The following TCF7L1 variants were observed in gnomAD, a reference collection of about 807,000 sequenced individuals.
TCF7L1 encodes transcription factor 7 like 1.
Under a neutral mutation model 63.7 loss-of-function variants are expected in TCF7L1, and 18 were observed. The observed-to-expected ratio is 0.28, with a 90% CI of 0.20 to 0.42. The LOEUF is 0.42. TCF7L1 is among the 10% of genes least tolerant of loss of function. The pLI is 1.00. For synonymous variants in TCF7L1, 355 were observed against 340.9 expected (o/e 1.04, Z -0.46); for missense variants, 654 against 779.3 (o/e 0.84, Z 1.91).
Position 85,302,538 on chromosome 2 carries a change from C to G in TCF7L1, c.580C>G (p.Leu194Val). 1 of 1,614,196 alleles carries G rather than the reference C, an allele frequency of 6.2e-7. No homozygotes were observed. Among genetic ancestry groups the G allele is most frequent in the Non-Finnish European group, 8.5e-7 (1 of 1,180,034 alleles). ...GCATCACATGCATCCGCTGACTCCC[C>G]TCATCACCTACAGCAATGACCACTT... ...HPHHMHPLTP[L>V]ITYSNDHFSP... Residue 194 changes from leucine to valine, a missense_variant, in exon 5 of 12, where the codon CTC becomes GTC. Physicochemically the swap from Leu to Val is conservative, Grantham distance 32 (BLOSUM62 1). Transcript: ENST00000282111.
intron 3 of TCF7L1, among the ~76,000 whole-genome samples, chr2:85,229,020 CAAAAAAAAA>C (rs1182542916): frequency 1.7e-5 from 1 of 57,376 alleles, no homozygotes; most frequent in African/African-American, 5.4e-5. Context: ...GACTCTGTCT[CAAAAAAAAA>C]AAAAAAAAAA....
In TCF7L1 at chr2:85,134,064, G is replaced by C. The variant is rs1198274997; in HGVS notation, c.298G>C (p.Asp100His). 2.5e-6 allele frequency: 4 copies of C among 1,610,382 alleles called. No homozygotes were observed. Among genetic ancestry groups the C allele is most frequent in the Non-Finnish European group, 3.4e-6 (4 of 1,179,186 alleles). Residue 100 changes from aspartate to histidine, a missense_variant, in exon 2 of 12, where the codon GAC (aspartate) becomes CAC (histidine). By Grantham distance (81) the Asp-to-His change is moderately conservative. Transcript: ENST00000282111. This position sits in a 1 kb window ranked among gnomAD's most constrained non-coding sequence, Gnocchi z 5.0. ...CCGGGACACTTTCCAGAAGCCGCGG[G>C]ACTATTTCGCCGAAGGTATGTGCCC... Reference protein sequence around the residue: ...PVRDTFQKPRDYFAEVRRPQD... With the variant: ...PVRDTFQKPRHYFAEVRRPQD...
intron 3 of TCF7L1, among the ~76,000 whole-genome samples, chr2:85,139,286 C>T (rs1210586537): frequency 6.6e-6 from 1 of 152,152 alleles, no homozygotes; most frequent in Admixed American, 6.5e-5. Context: ...GGATTACAGG[C>T]GTGAGCCACT....
intron 4 of TCF7L1, among the ~76,000 whole-genome samples, chr2:85,284,253 G>A (rs373683577): frequency 2.6e-5 from 4 of 152,128 alleles, no homozygotes; most frequent in African/African-American, 9.7e-5. Flanking sequence ...CTCGTGATCC[G>A]CCAGCCTTGG....
intron 3 of TCF7L1, among the ~76,000 whole-genome samples, chr2:85,238,697 CAG>C (rs1477260863): frequency 6.6e-6 from 1 of 152,126 alleles, no homozygotes; most frequent in South Asian, 2.1e-4. Context: ...ATACACCATA[CAG>C]AGGACTGCGC....
chr2:85,281,367 G>C (rs536609270), intron 3 of TCF7L1, among the ~76,000 whole-genome samples: 6 of 152,290 alleles, frequency 3.9e-5, no homozygotes, highest in African/African-American at 1.2e-4. Flanking sequence ...ACTTGTCATT[G>C]CAGGGTTGAT....
intron 3 of TCF7L1, among the ~76,000 whole-genome samples, chr2:85,246,820 C>A (rs1051539777): frequency 6.6e-6 from 1 of 152,148 alleles, no homozygotes; most frequent in Non-Finnish European, 1.5e-5. Flanking sequence ...ATACATGTAC[C>A]CCCATGATGG....
intron 3 of TCF7L1, among the ~76,000 whole-genome samples, chr2:85,247,705 A>G (rs764126767): frequency 6.6e-6 from 1 of 152,226 alleles, no homozygotes; most frequent in Non-Finnish European, 1.5e-5. Flanking sequence ...ATGGCTCTGT[A>G]GAATTAAGCA....
chr2:85,213,285 A>C (rs1385210274), intron 3 of TCF7L1, among the ~76,000 whole-genome samples: 2 of 152,148 alleles, frequency 1.3e-5, no homozygotes, highest in African/African-American at 4.8e-5. Context: ...ACTGATTTTA[A>C]GTTATGAATT....
chr2:85,284,252 CG>C (rs1558656081), intron 4 of TCF7L1, among the ~76,000 whole-genome samples: 1 of 152,174 alleles, frequency 6.6e-6, no homozygotes, highest in African/African-American at 2.4e-5. Context: ...CCTCGTGATC[CG>C]CCAGCCTTGG....
intron 3 of TCF7L1, among the ~76,000 whole-genome samples, chr2:85,260,643 C>CAAA (rs112797871): frequency 4.9e-5 from 7 of 141,494 alleles, no homozygotes; most frequent in African/African-American, 1.3e-4. Flanking sequence ...GACCCTATCT[C>CAAA]AAAAAAAAAA....
At chr2:85,255,859 G>T (rs1408627766) in intron 3 of TCF7L1, among the ~76,000 whole-genome samples, 2 of 152,196 alleles carry the variant, frequency 1.3e-5, no homozygotes, top group Admixed American at 1.3e-4. Flanking sequence ...CCCTTGCACT[G>T]TTGGCCAGTG....
chr2:85,167,528 G>C (rs1678447461), intron 3 of TCF7L1, among the ~76,000 whole-genome samples: 1 of 152,112 alleles, frequency 6.6e-6, no homozygotes, highest in African/African-American at 2.4e-5. Context: ...GATGGCTAAA[G>C]GAAATGTGGG....
At chr2:85,150,818 C>T (rs944943479) in intron 3 of TCF7L1, among the ~76,000 whole-genome samples, 1 of 152,130 alleles carries the variant, frequency 6.6e-6, no homozygotes, top group Non-Finnish European at 1.5e-5. Flanking sequence ...TACTTTGAGA[C>T]TATGTAAATA....
intron 3 of TCF7L1, among the ~76,000 whole-genome samples, chr2:85,185,960 A>ATTTTTTT (rs67142055): frequency 8.5e-5 from 8 of 94,640 alleles, no homozygotes; most frequent in African/African-American, 1.3e-4. Flanking sequence ...AACACAGGGG[A>ATTTTTTT]TTTTTTTTTT....
intron 3 of TCF7L1, among the ~76,000 whole-genome samples, chr2:85,221,884 A>G (rs1292485903): frequency 6.6e-6 from 1 of 152,040 alleles, no homozygotes; most frequent in Admixed American, 6.6e-5. Flanking sequence ...ATTCAGAAGA[A>G]CATGTTAGAT....
At chr2:85,257,645 G>C (rs1014766527) in intron 3 of TCF7L1, among the ~76,000 whole-genome samples, 2 of 152,138 alleles carry the variant, frequency 1.3e-5, no homozygotes, top group African/African-American at 4.8e-5. Context: ...ATGCCCACGG[G>C]GCTGCTCTGG....
At chr2:85,266,122 T>TAACC (rs2104351187) in intron 3 of TCF7L1, among the ~76,000 whole-genome samples, 1 of 152,348 alleles carries the variant, frequency 6.6e-6, no homozygotes, top group East Asian at 1.9e-4. Context: ...TTTCTGTAAA[T>TAACC]AACCACCTAC....
chr2:85,150,596 T>C (rs961312759), intron 3 of TCF7L1, among the ~76,000 whole-genome samples: 3 of 152,050 alleles, frequency 2.0e-5, no homozygotes, highest in African/African-American at 7.2e-5. Flanking sequence ...CTTTTTTTTT[T>C]TTTTCTGGTG....
Sources: allele counts gnomAD v4.1 joint callset (sites outside exome capture counted in the v4.1 genomes callset), GRCh38; gene constraint gnomAD v4.1.1; non-coding constraint Gnocchi (gnomAD v3.1); transcripts MANE v1.5; gene names NCBI Gene and HGNC (gene_info 2026-07-23, HGNC 2026-07-21).